The following SGK3 variants were observed in gnomAD, a reference collection of about 807,000 sequenced individuals.
SGK3 encodes the protein serum/glucocorticoid regulated kinase family member 3, also known as serine/threonine-protein kinase Sgk3.
Under a neutral mutation model 68.5 loss-of-function variants are expected in SGK3, and 47 were observed. That is an observed-to-expected ratio of 0.69 (90% CI 0.54 to 0.87). The LOEUF (loss-of-function observed/expected upper bound fraction) is 0.87, where lower values mean the gene tolerates loss of function less well. Ranked by LOEUF, SGK3 falls within the 40% of genes least tolerant of loss-of-function variation. The pLI, the probability that SGK3 is intolerant of heterozygous loss-of-function variation, is 0.00. For missense variants in SGK3, 479 were observed against 575.5 expected, an observed-to-expected ratio of 0.83 and a Z score of 1.72; for synonymous variants, 181 against 189.1, an observed-to-expected ratio of 0.96 and a Z score of 0.35.
At position 66,840,231 on chromosome 8, in the gene SGK3, T is replaced by C. The variant is rs375908504; in HGVS notation, c.875T>C (p.Ile292Thr). 1 of 1,588,616 alleles carries C rather than the reference T, an allele frequency of 6.3e-7. No individual in the cohort carries two copies. Among genetic ancestry groups the C allele is most frequent in the Admixed American group, 1.8e-5 (1 of 55,586 alleles). ...GATAGAGACTTGAAACCAGAAAATA[T>C]TCTTTTGGATTCAGTAGTAAGTATT... ...IVYRDLKPEN[I>T]LLDSVGHVVL... The change falls in exon 12 of 17, where the codon ATT (isoleucine) becomes ACT (threonine). Residue 292 changes from isoleucine to threonine, a missense_variant. Around this residue, in one of 3 missense-constraint regions of SGK3, gnomAD observed 8 missense variants for 31.8 expected, o/e 0.25. Coordinates refer to ENST00000521198, the MANE Select transcript of SGK3 (RefSeq NM_001033578.3).
chr8:66,732,549 A>T (rs553259685), intron 1 of SGK3, among the ~76,000 whole-genome samples: 1 of 152,194 alleles, frequency 6.6e-6, no homozygotes, highest in Non-Finnish European at 1.5e-5. Context: ...TTTGTATTTT[A>T]AAAATAAATT....
In SGK3 at chr8:66,783,839, C is replaced by G. The variant is rs73260200; in HGVS notation, c.-121-9777C>G. ...AGTGCCTGGCCATTTTCTAGATTTT[C>G]TGGTACATTATATTCTAGGAATTTT... On this transcript the variant is annotated intron_variant, in intron 1 of 16. Transcript: ENST00000521198. Among the ~76,000 whole-genome samples, 904 of 152,204 alleles carry G rather than the reference C, an allele frequency of 5.9e-3. 5 individuals are homozygous for G. The highest frequency in any genetic ancestry group is 0.021 in the African/African-American group (874 of 41,542).
chr8:66,845,397 T>G (rs1334275729), intron 14 of SGK3, among the ~76,000 whole-genome samples: 1 of 150,842 alleles, frequency 6.6e-6, no homozygotes, highest in Non-Finnish European at 1.5e-5. Flanking sequence ...AGACTCCGTC[T>G]CAAAAAAAAA....
chr8:66,844,297 G>A (rs1809920329), intron 14 of SGK3, among the ~76,000 whole-genome samples: 1 of 152,002 alleles, frequency 6.6e-6, no homozygotes, highest in African/African-American at 2.4e-5. Context: ...TTAATACACA[G>A]GTGCTCAGCT....
intron 1 of SGK3, among the ~76,000 whole-genome samples, chr8:66,781,992 T>G (rs1427810250): frequency 1.3e-5 from 2 of 152,218 alleles, no homozygotes; most frequent in African/African-American, 4.8e-5. Context: ...CAGAGCCTGT[T>G]TTGTTTTAAA....
intron 1 of SGK3, among the ~76,000 whole-genome samples, chr8:66,757,339 A>G (rs1806009603): frequency 6.6e-6 from 1 of 151,432 alleles, no homozygotes; most frequent in Admixed American, 6.6e-5. Context: ...AGTTCTCACC[A>G]TGTTACCCAA....
chr8:66,847,930 T>A (rs1810102669), intron 15 of SGK3, among the ~76,000 whole-genome samples: 1 of 151,576 alleles, frequency 6.6e-6, no homozygotes, highest in African/African-American at 2.4e-5. Context: ...GGAATCTGCA[T>A]GTTTGTTTCA....
chr8:66,815,034 T>C, intron 5 of SGK3, among the ~76,000 whole-genome samples: 1 of 152,196 alleles, frequency 6.6e-6, no homozygotes, highest in East Asian at 1.9e-4. Context: ...ATGGTGTAAA[T>C]ATGACACACT....
intron 7 of SGK3, 90 bp downstream of exon 7, chr8:66,828,793 T>A: frequency 1.4e-6 from 2 of 1,476,514 alleles, no homozygotes; most frequent in Non-Finnish European, 1.9e-6. Context: ...TACACTAATT[T>A]AACTGTAGGC....
At chr8:66,806,220 A>T (rs1296648529) in intron 4 of SGK3, among the ~76,000 whole-genome samples, 2 of 151,500 alleles carry the variant, frequency 1.3e-5, no homozygotes, top group Non-Finnish European at 2.9e-5. Flanking sequence ...TTGGGAGTAT[A>T]TAGCACATTT....
At chr8:66,858,627 A>T (rs1268913046) in intron 16 of SGK3, among the ~76,000 whole-genome samples, 3 of 152,126 alleles carry the variant, frequency 2.0e-5, no homozygotes, top group Non-Finnish European at 2.9e-5. Context: ...AGCCTTCCTT[A>T]CTTTTCTGTC....
At chr8:66,748,062 T>G (rs529098362) in intron 1 of SGK3, among the ~76,000 whole-genome samples, 1 of 152,192 alleles carries the variant, frequency 6.6e-6, no homozygotes, top group African/African-American at 2.4e-5. Context: ...TGGGATTACA[T>G]GAGGTAATGC....
chr8:66,861,515 C>G lies in SGK3; in HGVS notation c.*1934C>G, dbSNP rs747022605. ...ATAAAAAATAAGCTTACCTTGGATT[C>G]TTGGCTTAGAGTAGAGGTTTTTTTT... On this transcript the variant is annotated 3_prime_UTR_variant, in exon 17 of 17. Coordinates refer to ENST00000521198, the MANE Select transcript of SGK3 (RefSeq NM_001033578.3). 6.6e-6 allele frequency: 1 copy of G among 152,020 alleles called. No homozygotes were observed. Among genetic ancestry groups the G allele is most frequent in the Non-Finnish European group, 1.5e-5 (1 of 68,012 alleles). The allele number at this position is 152,020 out of a possible 1,614,324, so 9.4% of individuals were successfully genotyped here.
intron 1 of SGK3, among the ~76,000 whole-genome samples, chr8:66,762,973 T>C (rs923933353): frequency 3.9e-5 from 6 of 152,252 alleles, no homozygotes; most frequent in African/African-American, 1.4e-4. Flanking sequence ...TCAGGAGGCA[T>C]AAAATGTTTG....
chr8:66,759,080 C>CTTTTTTT (rs752312636), intron 1 of SGK3, among the ~76,000 whole-genome samples: 1 of 140,410 alleles, frequency 7.1e-6, no homozygotes, highest in African/African-American at 2.6e-5. Flanking sequence ...TTCTTTTCTT[C>CTTTTTTT]TTTTTTTTTT....
At chr8:66,765,293 G>A (rs576874423) in intron 1 of SGK3, among the ~76,000 whole-genome samples, 18 of 151,922 alleles carry the variant, frequency 1.2e-4, no homozygotes, top group Admixed American at 7.9e-4. Context: ...TTTGATTTGC[G>A]TTTCCCTAAT....
At chr8:66,839,589 C>T (rs1256096040) in intron 10 of SGK3, among the ~76,000 whole-genome samples, 1 of 121,244 alleles carries the variant, frequency 8.2e-6, no homozygotes, top group Non-Finnish European at 1.7e-5. Flanking sequence ...TTCTGCTGGG[C>T]TCTAGTTTTT....
At chr8:66,736,690 G>A (rs928678749) in intron 1 of SGK3, among the ~76,000 whole-genome samples, 1 of 151,144 alleles carries the variant, frequency 6.6e-6, no homozygotes, top group African/African-American at 2.4e-5. Context: ...CGCAATCTCA[G>A]CTCACCACAA....
intron 1 of SGK3, among the ~76,000 whole-genome samples, chr8:66,723,129 A>ATTTT (rs1289411840): frequency 1.5e-3 from 62 of 40,612 alleles, no homozygotes; most frequent in East Asian, 2.8e-3. Context: ...ATATATATAT[A>ATTTT]TATTTTTTTT....
Sources: gnomAD v4.1 joint callset for allele counts (sites outside exome capture counted in the v4.1 genomes callset) on GRCh38, gnomAD v4.1.1 for gene constraint, gnomAD v4.1.1 regional missense constraint, MANE v1.5 for transcripts, NCBI Gene and HGNC (gene_info 2026-07-23, HGNC 2026-07-21) for gene names.